The following OR4F6 variants were observed in gnomAD, a reference collection of about 807,000 sequenced individuals.
OR4F6 encodes olfactory receptor family 4 subfamily F member 6, also known as olfactory receptor 4F6.
In OR4F6, 13 loss-of-function variants were observed where a neutral mutation model predicts 15.9. The ratio of observed to expected loss-of-function variants is 0.82; its 90% CI spans 0.53 to 1.30. OR4F6 has a LOEUF of 1.30. OR4F6 is among the 50% of genes most tolerant of loss of function. The pLI, the probability that OR4F6 is intolerant of heterozygous loss-of-function variation, is 0.00. For missense variants in OR4F6, 426 were observed against 367.2 expected, an observed-to-expected ratio of 1.16 and a Z score of -1.31; for synonymous variants, 150 against 133.8, an observed-to-expected ratio of 1.12 and a Z score of -0.83.
rs1902790646 is a variant in OR4F6 at position 101,805,877 on chromosome 15, C to A, written c.158C>A (p.Pro53His). 6.2e-7 allele frequency: 1 copy of A among 1,614,042 alleles called. No individual in the cohort carries two copies. Among genetic ancestry groups the A allele is most frequent in the South Asian group, 1.1e-5 (1 of 91,074 alleles). ...LLIVLTVTSD[P>H]RLQSPMYFLL... The stretch of plus-strand genomic sequence containing the variant: ...ATTGTGCTAACTGTGACCTCTGACC[C>A]TCGTTTACAGTCCCCCATGTACTTC... Residue 53 changes from proline to histidine, a missense_variant, in exon 2 of 2, where the codon CCT becomes CAT. Coordinates refer to ENST00000328882, the MANE Select transcript of OR4F6 (RefSeq NM_001005326.2).
intron 1 of OR4F6, among the ~76,000 whole-genome samples, chr15:101,804,772 T>G (rs1408075912): frequency 1.3e-5 from 2 of 152,182 alleles, no homozygotes; most frequent in Non-Finnish European, 2.9e-5. Flanking sequence ...GTACCAACAA[T>G]GAGTGGACAA....
intron 1 of OR4F6, among the ~76,000 whole-genome samples, chr15:101,804,704 A>G (rs980197420): frequency 1.3e-5 from 2 of 152,240 alleles, no homozygotes; most frequent in African/African-American, 4.8e-5. Context: ...AGTGTGGTAC[A>G]TAAAGACCTT....
In OR4F6 at chr15:101,805,864, G is replaced by A. The variant is rs904890828; in HGVS notation, c.145G>A (p.Val49Met). 1.2e-6 allele frequency: 2 copies of A among 1,613,992 alleles called. No homozygotes were observed. The highest frequency in any genetic ancestry group is 1.7e-5 in the Admixed American group (1 of 60,000). The change falls in exon 2 of 2, where the codon GTG becomes ATG. Residue 49 changes from valine to methionine, a missense_variant. Transcript: ENST00000328882. ...LMGNLLIVLT[V>M]TSDPRLQSPM... ...GGGAAATCTCCTCATTGTGCTAACT[G>A]TGACCTCTGACCCTCGTTTACAGTC...
rs1182039349 is a variant in OR4F6 at position 101,805,675 on chromosome 15, C to T, written c.-33-12C>T. 6.9e-7 allele frequency: 1 copy of T among 1,458,582 alleles called. No individual in the cohort carries two copies. The highest frequency in any genetic ancestry group is 1.4e-5 in the African/African-American group (1 of 70,924). The allele number at this position is 1,458,582 out of a possible 1,614,324, so 90.4% of individuals were successfully genotyped here. Reference sequence around the variant, plus strand: ...TCCTAAATCAAAGTTTCTCCTTACTCTCCTCTTTCAGTTAGCATGAGAGTT... The same window carrying T: ...TCCTAAATCAAAGTTTCTCCTTACTTTCCTCTTTCAGTTAGCATGAGAGTT... On this transcript the variant is annotated splice_polypyrimidine_tract_variant and intron_variant, in intron 1 of 1. Coordinates refer to ENST00000328882, the MANE Select transcript of OR4F6 (RefSeq NM_001005326.2).
At position 101,806,419 on chromosome 15, in the gene OR4F6, T is replaced by C. The variant is rs1006742800; in HGVS notation, c.700T>C (p.Phe234Leu). ...TCAGAAAAAATCTTCAGGTGGTATA[T>C]TCAAGGCTTTCTCTATGCTGTCAGC... is the stretch of plus-strand genomic sequence containing the variant. ...TVQKKSSGGI[F>L]KAFSMLSAHV... Residue 234 changes from phenylalanine to leucine, a missense_variant, in exon 2 of 2, where the codon TTC becomes CTC. Phe to Leu is a conservative substitution (Grantham distance 22). Coordinates refer to ENST00000328882, the MANE Select transcript of OR4F6 (RefSeq NM_001005326.2). The C allele has an allele frequency of 3.7e-6, 6 of 1,613,588 alleles. No homozygotes were observed. The African/African-American group carries it at 8.0e-5, about 22-fold the overall frequency.
chr15:101,805,790 A>C lies in OR4F6; in HGVS notation c.71A>C (p.Gln24Pro), dbSNP rs201407679. ...GGACTCTCTGACTCGCGGAAGATCCAGCTCCTCCTCTTCCTCTTTTTCTCA... is the reference window on the plus strand; with the variant it reads ...GGACTCTCTGACTCGCGGAAGATCCCGCTCCTCCTCTTCCTCTTTTTCTCA... ...FLGLSDSRKI[Q>P]LLLFLFFSVF... The change falls in exon 2 of 2, where the codon CAG (glutamine) becomes CCG (proline). Residue 24 changes from glutamine (Q) to proline (P), a missense_variant. Transcript: ENST00000328882. The C allele has an allele frequency of 1.5e-5, 24 of 1,613,862 alleles. No homozygotes were observed. The highest frequency in any genetic ancestry group is 1.9e-5 in the Non-Finnish European group (22 of 1,179,940).
At position 101,806,732 on chromosome 15, in the gene OR4F6, A is replaced by AC; in HGVS notation, c.*74_*75insC. 1 of 863,522 alleles carries AC rather than the reference A, an allele frequency of 1.2e-6. No homozygotes were observed. Among genetic ancestry groups the AC allele is most frequent in the Non-Finnish European group, 1.7e-6 (1 of 573,248 alleles). 53.5% of individuals were successfully genotyped at this position (863,522 alleles called of 1,614,324 possible). On this transcript the variant is annotated 3_prime_UTR_variant, in exon 2 of 2. Transcript: ENST00000328882. ...GATATGTGTTAAGTAAGCTATGTTA[A>AC]ATTTAACCAGAATATCACTTTCTAC...
rs1902784767 is a variant in OR4F6, at chr15:101,805,735, C to T, written c.16C>T (p.His6Tyr). 1 of 1,611,722 alleles carries T rather than the reference C, an allele frequency of 6.2e-7. No individual in the cohort carries two copies. Residue 6 changes from histidine (H) to tyrosine (Y), a missense_variant, in exon 2 of 2, where the codon CAC becomes TAC. By Grantham distance (83) the His-to-Tyr change is moderately conservative. Transcript: ENST00000328882. MDEAN[H>Y]SVVSEFVFLG... ...GACAGAGGCAATGGATGAAGCCAAT[C>T]ACTCTGTGGTCTCTGAGTTTGTGTT... is the stretch of plus-strand genomic sequence containing the variant.
rs772809838 is a variant in OR4F6 at position 101,805,875 on chromosome 15, C to G, written c.156C>G (p.Asp52Glu). The G allele has an allele frequency of 6.2e-7, 1 of 1,614,154 alleles. No homozygotes were observed. Among genetic ancestry groups the G allele is most frequent in the South Asian group, 1.1e-5 (1 of 91,076 alleles). Residue 52 changes from aspartate (D) to glutamate (E), a missense_variant, in exon 2 of 2, where the codon GAC becomes GAG. Physicochemically the swap from Asp to Glu is conservative, Grantham distance 45. Coordinates refer to ENST00000328882, the MANE Select transcript of OR4F6 (RefSeq NM_001005326.2). Reference protein sequence around the residue: ...NLLIVLTVTSDPRLQSPMYFL... With the variant: ...NLLIVLTVTSEPRLQSPMYFL... The stretch of plus-strand genomic sequence containing the variant: ...TCATTGTGCTAACTGTGACCTCTGA[C>G]CCTCGTTTACAGTCCCCCATGTACT...
In OR4F6 at chr15:101,805,508, A is replaced by C. The variant is rs1902780915; in HGVS notation, c.-33-179A>C. On this transcript the variant is annotated intron_variant, in intron 1 of 1. Transcript: ENST00000328882. ...AAGGAGTTCTTATTCTGTGCAACGTATTTTCTGGTGACAAAATTTACAATA... is the reference window on the plus strand; with the variant it reads ...AAGGAGTTCTTATTCTGTGCAACGTCTTTTCTGGTGACAAAATTTACAATA... Among the ~76,000 whole-genome samples the C allele has an allele frequency of 2.0e-5, 3 of 152,048 alleles. No homozygotes were observed. In the South Asian group the frequency reaches 6.2e-4, roughly 32 times the overall value.
At chr15:101,803,825 G>A (rs1448150111) in intron 1 of OR4F6, among the ~76,000 whole-genome samples, 1 of 152,180 alleles carries the variant, frequency 6.6e-6, no homozygotes, top group Non-Finnish European at 1.5e-5. Flanking sequence ...AGTCGGAGTG[G>A]AAAATTTGAG....
In OR4F6 at chr15:101,806,298, C is replaced by T. The variant is rs762917502; in HGVS notation, c.579C>T (p.Tyr193=). The T allele has an allele frequency of 1.2e-6, 2 of 1,613,824 alleles. No individual in the cohort carries two copies. The highest frequency in any genetic ancestry group is 2.2e-5 in the East Asian group (1 of 44,886). ...TCAAACTGGCTTGCATAGAGACCTA[C>T]ACATTGGGATTCATGGTTACTGCCA... ...RFIKLACIET[Y]TLGFMVTANS... The change falls in exon 2 of 2, where the codon TAC becomes TAT. Residue 193 remains tyrosine, a synonymous_variant. Transcript: ENST00000328882.
In OR4F6 at chr15:101,804,965, C is replaced by A. The variant is rs910729245; in HGVS notation, c.-33-722C>A. ...AGAGTAACTTTCAGCTTCTAGGGAGCAATTTAGAATTTAATCATTCACTTA... is the reference window on the plus strand; with the variant it reads ...AGAGTAACTTTCAGCTTCTAGGGAGAAATTTAGAATTTAATCATTCACTTA... On this transcript the variant is annotated intron_variant, in intron 1 of 1. Transcript: ENST00000328882. Among the ~76,000 whole-genome samples the A allele has an allele frequency of 2.0e-5, 3 of 152,108 alleles. No homozygotes were observed. The East Asian group carries it at 5.8e-4, about 29-fold the overall frequency.
At chr15:101,803,719 T>C (rs1048916765) in intron 1 of OR4F6, among the ~76,000 whole-genome samples, 174 bp downstream of exon 1, 3 of 151,998 alleles carry the variant, frequency 2.0e-5, no homozygotes, top group Non-Finnish European at 2.9e-5. Context: ...GCAGAATGAG[T>C]AGAGTCAAGT....
chr15:101,806,643 C>T lies in OR4F6; in HGVS notation c.924C>T (p.Tyr308=). 1 of 1,568,108 alleles carries T rather than the reference C, an allele frequency of 6.4e-7. No individual in the cohort carries two copies. The highest frequency in any genetic ancestry group is 1.2e-5 in the South Asian group (1 of 84,032). ...MRRRCSQFVN[Y]SKIF ...GACGATGCTCTCAGTTTGTGAATTA[C>T]AGTAAAATCTTTTAAATATATTGAG... Residue 308 remains tyrosine (Y), a synonymous_variant, in exon 2 of 2, where the codon TAC becomes TAT. Transcript: ENST00000328882.
Position 101,806,245 on chromosome 15 carries a change from A to G in OR4F6, c.526A>G (p.Ser176Gly). 6.2e-7 allele frequency: 1 copy of G among 1,613,946 alleles called. No individual in the cohort carries two copies. The highest frequency in any genetic ancestry group is 1.1e-5 in the South Asian group (1 of 91,064). Residue 176 changes from serine (S) to glycine (G), a missense_variant, in exon 2 of 2, where the codon AGT becomes GGT. By Grantham distance (56) the Ser-to-Gly change is moderately conservative (BLOSUM62 0). Coordinates refer to ENST00000328882, the MANE Select transcript of OR4F6 (RefSeq NM_001005326.2). ...LLFCGPNELD[S>G]FFCDLPRFIK... ...GTTCTGTGGCCCTAATGAATTAGAT[A>G]GTTTCTTTTGTGATCTTCCTCGATT...
At position 101,806,564 on chromosome 15, in the gene OR4F6, T is replaced by C. The variant is rs1454502339; in HGVS notation, c.845T>C (p.Leu282Ser). 1.2e-6 allele frequency: 2 copies of C among 1,613,588 alleles called. No homozygotes were observed. Among genetic ancestry groups the C allele is most frequent in the African/African-American group, 1.3e-5 (1 of 74,920 alleles). The change falls in exon 2 of 2, where the codon TTG becomes TCG. Residue 282 changes from leucine to serine, a missense_variant. Leu to Ser is a moderately radical substitution (Grantham distance 145). Transcript: ENST00000328882. ...TTTGATGCAGTTATCACTCCCGTTTTGAATCCAGTCATCTATACTTTTAGA... is the reference window on the plus strand; with the variant it reads ...TTTGATGCAGTTATCACTCCCGTTTCGAATCCAGTCATCTATACTTTTAGA... ...AIFDAVITPV[L>S]NPVIYTFRNK...
In OR4F6 at chr15:101,806,170, A is replaced by G. The variant is rs769385493; in HGVS notation, c.451A>G (p.Ile151Val). ...CILFLVISWI[I>V]GIIHSVIQLA... The stretch of plus-strand genomic sequence containing the variant: ...TTTGTTTTTAGTCATTTCCTGGATT[A>G]TAGGTATTATTCACTCAGTGATTCA... Residue 151 changes from isoleucine (I) to valine (V), a missense_variant, in exon 2 of 2, where the codon ATA becomes GTA. Ile to Val is a conservative substitution (Grantham distance 29). Coordinates refer to ENST00000328882, the MANE Select transcript of OR4F6 (RefSeq NM_001005326.2). The G allele has an allele frequency of 1.5e-5, 25 of 1,614,002 alleles. No homozygotes were observed. Among genetic ancestry groups the G allele is most frequent in the African/African-American group, 4.0e-5 (3 of 74,916 alleles).
Position 101,806,205 on chromosome 15 carries a change from T to A in OR4F6, c.486T>A (p.Phe162Leu), listed in dbSNP as rs765312427. 2 of 1,614,106 alleles carry A rather than the reference T, an allele frequency of 1.2e-6. No individual in the cohort carries two copies. The highest frequency in any genetic ancestry group is 1.1e-5 in the South Asian group (1 of 91,090). Residue 162 changes from phenylalanine (F) to leucine (L), a missense_variant, in exon 2 of 2, where the codon TTT (phenylalanine) becomes TTA (leucine). Coordinates refer to ENST00000328882, the MANE Select transcript of OR4F6 (RefSeq NM_001005326.2). ...TTCACTCAGTGATTCAGTTGGCTTT[T>A]GTTGTAGACCTGCTGTTCTGTGGCC... ...GIIHSVIQLA[F>L]VVDLLFCGPN...
Sources: gnomAD v4.1 joint callset for allele counts (sites outside exome capture counted in the v4.1 genomes callset) on GRCh38, gnomAD v4.1.1 for gene constraint, MANE v1.5 for transcripts, NCBI Gene and HGNC (gene_info 2026-07-23, HGNC 2026-07-21) for gene names.